Variants in MCM5 observed in about 807,000 individuals in gnomAD.
MCM5 encodes the protein DNA replication licensing factor MCM5.
MCM5 carries 46 observed loss-of-function variants against 79.9 expected under a neutral mutation model. The observed-to-expected ratio is 0.58, with a 90% CI of 0.45 to 0.74. The LOEUF (loss-of-function observed/expected upper bound fraction) is 0.74, where lower values mean the gene tolerates loss of function less well. Ranked by LOEUF, MCM5 falls within the 30% of genes least tolerant of loss-of-function variation. MCM5 has a pLI of 0.00. For missense variants in MCM5, 883 were observed against 1,017.0 expected, an observed-to-expected ratio of 0.87 and a Z score of 1.79; for synonymous variants, 404 against 390.5, an observed-to-expected ratio of 1.03 and a Z score of -0.41.
the MCM5 span, among the ~76,000 whole-genome samples, chr22:35,435,947 A>G: frequency 6.6e-6 from 1 of 152,052 alleles, no homozygotes; most frequent in African/African-American, 2.4e-5. Context: ...CGGGCGGATC[A>G]CCTGAGGTCG....
At chr22:35,427,382 C>T (rs779605981), downstream of MCM5, among the ~76,000 whole-genome samples, 5 of 152,006 alleles carry the variant, frequency 3.3e-5, no homozygotes, top group East Asian at 1.9e-4. Flanking sequence ...TTCTAAAATG[C>T]GAAAGTTAAG....
At chr22:35,421,886 G>T (rs1437932427) in intron 15 of MCM5, 1 of 292,042 alleles carries the variant, frequency 3.4e-6, no homozygotes, top group Non-Finnish European at 6.8e-6. Flanking sequence ...ACACTCGAAG[G>T]GGCCTTTCCC....
chr22:35,431,873 G>A, the MCM5 span, among the ~76,000 whole-genome samples: 2 of 152,274 alleles, frequency 1.3e-5, no homozygotes, highest in Admixed American at 1.3e-4. Flanking sequence ...CACCCTGCCT[G>A]CTTCTGGTGG....
rs1312641440 is a variant in MCM5, at chr22:35,416,764, T to C, written c.1540T>C (p.Phe514Leu). The C allele has an allele frequency of 6.2e-7, 1 of 1,614,110 alleles. No individual in the cohort carries two copies. Among genetic ancestry groups the C allele is most frequent in the South Asian group, 1.1e-5 (1 of 91,072 alleles). ...IDFMPTILSR[F>L]DMIFIVKDEH... ...CTTCATGCCCACCATCTTGTCGCGC[T>C]TCGACATGATCTTCATCGTCAAGGA... The change falls in exon 12 of 17, where the codon TTC becomes CTC. Residue 514 changes from phenylalanine to leucine, a missense_variant. Phe to Leu is a conservative substitution (Grantham distance 22). Around this residue, in one of 3 missense-constraint regions of MCM5, gnomAD observed 426 missense variants for 482.3 expected, o/e 0.88. Transcript: ENST00000216122.
Position 35,421,061 on chromosome 22 carries a change from G to A in MCM5, c.1833-257G>A, listed in dbSNP as rs567866685. On this transcript the variant is annotated intron_variant, in intron 14 of 16. Transcript: ENST00000216122. Reference sequence around the variant, plus strand: ...AAGGATCACTGGAGCCCAGGAGTTCGAGGCTGCAGTGAGCTATGATCATGC... The same window carrying A: ...AAGGATCACTGGAGCCCAGGAGTTCAAGGCTGCAGTGAGCTATGATCATGC... Among the ~76,000 whole-genome samples, 7 of 149,154 alleles carry A rather than the reference G, an allele frequency of 4.7e-5. No homozygotes were observed. The East Asian group carries it at 1.4e-3, about 29-fold the overall frequency.
intron 2 of MCM5, among the ~76,000 whole-genome samples, chr22:35,402,319 GTTTTGTT>G (rs1161449195): frequency 6.6e-6 from 1 of 150,502 alleles, no homozygotes; most frequent in African/African-American, 2.4e-5. Context: ...TTTTTTTGTT[GTTTTGTT>G]TTTTGTTTTT....
At chr22:35,426,770 C>T (rs185393101), downstream of MCM5, among the ~76,000 whole-genome samples, 616 of 152,262 alleles carry the variant, frequency 4.0e-3, 3 homozygotes, top group Non-Finnish European at 5.5e-3. Context: ...CAGCCTCTGC[C>T]ATCTCGGATT....
the MCM5 span, among the ~76,000 whole-genome samples, chr22:35,432,413 C>T: frequency 1.1e-4 from 16 of 152,266 alleles, no homozygotes; most frequent in East Asian, 9.6e-4. Context: ...GTTACATAAG[C>T]GCCTCACCCT....
intron 15 of MCM5, 75 bp downstream of exon 15, chr22:35,421,535 C>A (rs1158244033): frequency 6.3e-7 from 1 of 1,594,760 alleles, no homozygotes; most frequent in Non-Finnish European, 8.6e-7. Flanking sequence ...AGGGCTCTGG[C>A]CTGCTGGGGG....
chr22:35,416,386 G>C lies in MCM5; in HGVS notation c.1395G>C (p.Gln465His). 6.2e-7 allele frequency: 1 copy of C among 1,612,898 alleles called. No individual in the cohort carries two copies. The highest frequency in any genetic ancestry group is 8.5e-7 in the Non-Finnish European group (1 of 1,180,012). The change falls in exon 11 of 17, where the codon CAG becomes CAC. Residue 465 changes from glutamine (Q) to histidine (H), a missense_variant. Physicochemically the swap from Gln to His is conservative, Grantham distance 24 (BLOSUM62 0). Transcript: ENST00000216122. ...RVAIHEAMEQQTISIAKAGIT... is the reference protein window; with the variant it reads ...RVAIHEAMEQHTISIAKAGIT... ...CAATCCACGAAGCCATGGAGCAGCA[G>C]ACCATCTCTATCGCCAAGGTGAGTG...
the MCM5 span, among the ~76,000 whole-genome samples, chr22:35,454,216 C>A: frequency 6.6e-6 from 1 of 152,116 alleles, no homozygotes; most frequent in African/African-American, 2.4e-5. Context: ...GCTCCCTCTG[C>A]TCCCCTTCCA....
At position 35,419,984 on chromosome 22, in the gene MCM5, C is replaced by T. The variant is rs200953315; in HGVS notation, c.1804C>T (p.Arg602Cys). The T allele has an allele frequency of 2.5e-5, 40 of 1,612,314 alleles. 2 individuals are homozygous for T. The highest frequency in any genetic ancestry group is 1.1e-4 in the African/African-American group (8 of 75,028). The change falls in exon 14 of 17, where the codon CGC becomes TGC. Residue 602 changes from arginine to cysteine, a missense_variant. Arg to Cys is a radical substitution (Grantham distance 180). Coordinates refer to ENST00000216122, the MANE Select transcript of MCM5 (RefSeq NM_006739.4). ...CCGTCAGCACGAGAGGGACAGTGAC[C>T]GCCGCTCCAGCATCCCCATCACTGT... ...GARQHERDSD[R>C]RSSIPITVRQ...
the MCM5 span, among the ~76,000 whole-genome samples, chr22:35,453,824 A>AGT: frequency 1.4e-5 from 2 of 144,074 alleles, no homozygotes; most frequent in African/African-American, 5.3e-5. Flanking sequence ...ATATATAGAG[A>AGT]GAGAGAGAGA....
At chr22:35,437,174 C>T in the MCM5 span, among the ~76,000 whole-genome samples, 5 of 152,202 alleles carry the variant, frequency 3.3e-5, no homozygotes, top group Non-Finnish European at 5.9e-5. Flanking sequence ...TTGACCAGGG[C>T]TTAGGCCTAG....
chr22:35,400,465 T>A lies in MCM5; in HGVS notation c.27T>A (p.Ile9=), dbSNP rs767484813. The change falls in exon 2 of 17, where the codon ATT becomes ATA. Residue 9 remains isoleucine (I), a synonymous_variant. Coordinates refer to ENST00000216122, the MANE Select transcript of MCM5 (RefSeq NM_006739.4). MSGFDDPG[I]FYSDSFGGDA... ...TGTCGGGATTCGACGATCCTGGCATTTTCTACAGCGACAGCTTCGGGGGCG... is the reference window on the plus strand; with the variant it reads ...TGTCGGGATTCGACGATCCTGGCATATTCTACAGCGACAGCTTCGGGGGCG... The A allele has an allele frequency of 6.2e-7, 1 of 1,614,046 alleles. No individual in the cohort carries two copies. The highest frequency in any genetic ancestry group is 8.5e-7 in the Non-Finnish European group (1 of 1,179,968).
At chr22:35,419,860 C>A (rs1347540204) in intron 13 of MCM5, 24 bp from the exon 14 acceptor site, 44 of 1,591,888 alleles carry the variant, frequency 2.8e-5, no homozygotes, top group Non-Finnish European at 3.6e-5. Flanking sequence ...GGCCTCACAC[C>A]AGCCTCTCCC....
chr22:35,421,092 C>T (rs1332174660), intron 14 of MCM5, among the ~76,000 whole-genome samples: 1 of 139,270 alleles, frequency 7.2e-6, no homozygotes, highest in African/African-American at 2.7e-5. Flanking sequence ...CATGCCACTA[C>T]ATTCCAGCCT....
At position 35,415,815 on chromosome 22, in the gene MCM5, C is replaced by T. The variant is rs780129739; in HGVS notation, c.1204-14C>T. ...GAGTTGTTATTGGGCCCTGACACCA[C>T]CCCACTGCCCCAGGTATACACGTCT... On this transcript the variant is annotated splice_polypyrimidine_tract_variant and intron_variant, in intron 9 of 16. Coordinates refer to ENST00000216122, the MANE Select transcript of MCM5 (RefSeq NM_006739.4). 1 of 1,606,778 alleles carries T rather than the reference C, an allele frequency of 6.2e-7. No individual in the cohort carries two copies. Among genetic ancestry groups the T allele is most frequent in the African/African-American group, 1.3e-5 (1 of 74,796 alleles).
intron 15 of MCM5, 52 bp downstream of exon 15, chr22:35,421,512 G>T: frequency 6.2e-7 from 1 of 1,611,906 alleles, no homozygotes; most frequent in Non-Finnish European, 8.5e-7. Flanking sequence ...CCCTGGCTCG[G>T]AGCTCTGTGG....
Sources: gnomAD v4.1 joint callset for allele counts (sites outside exome capture counted in the v4.1 genomes callset) on GRCh38, gnomAD v4.1.1 for gene constraint, gnomAD v4.1.1 regional missense constraint, MANE v1.5 for transcripts, NCBI Gene and HGNC (gene_info 2026-07-23, HGNC 2026-07-21) for gene names.